The following SUMF1 variants were observed in gnomAD, a reference collection of about 807,000 sequenced individuals.
The protein encoded by SUMF1 is sulfatase modifying factor 1.
A neutral mutation model predicts 47.6 loss-of-function variants in SUMF1; 48 were observed. The ratio of observed to expected loss-of-function variants is 1.01; its 90% CI spans 0.80 to 1.28. The LOEUF (loss-of-function observed/expected upper bound fraction) is 1.28, where lower values mean the gene tolerates loss of function less well. SUMF1 is among the 50% of genes most tolerant of loss of function. The probability of loss-of-function intolerance (pLI) is 0.00; values close to 1 mark genes in which losing one functional copy is unlikely to be tolerated. For missense variants in SUMF1, 571 were observed against 485.4 expected (o/e 1.18, Z -1.66); for synonymous variants, 230 against 192.1 (o/e 1.20, Z -1.63).
chr3:4,273,797 G>GATACGGGAGGGGA (rs1697357204), intron 8 of SUMF1, among the ~76,000 whole-genome samples: 4 of 98,580 alleles, frequency 4.1e-5, no homozygotes, highest in African/African-American at 1.6e-4. Context: ...GGGAGGGGAG[G>GATACGGGAGGGGA]GCATGGGAGG....
intron 8 of SUMF1, among the ~76,000 whole-genome samples, chr3:4,248,089 AT>A (rs1197798550): frequency 2.6e-5 from 4 of 152,208 alleles, no homozygotes; most frequent in African/African-American, 9.7e-5. Flanking sequence ...ACTAGTATTA[AT>A]TTAATGGGAT....
rs528093938 is a variant in SUMF1, at chr3:4,259,509, G to C, written c.1014+116821C>G. On this transcript the variant is annotated intron_variant and NMD_transcript_variant, in intron 8 of 12. Coordinates refer to the SUMF1 transcript ENST00000448413. Reference sequence around the variant, plus strand: ...TTTCTGTCTTTTTGACAAAATATTTGGATTCGATGTGGGATATAAGGCTTT... The same window carrying C: ...TTTCTGTCTTTTTGACAAAATATTTCGATTCGATGTGGGATATAAGGCTTT... 2.6e-5 allele frequency among the ~76,000 whole-genome samples: 4 copies of C among 152,150 alleles called. 1 individual carries two copies. The South Asian group carries it at 8.3e-4, about 32-fold the overall frequency.
At chr3:4,462,793 A>C (rs897276114) in intron 1 of SUMF1, among the ~76,000 whole-genome samples, 1 of 152,228 alleles carries the variant, frequency 6.6e-6, no homozygotes, top group Non-Finnish European at 1.5e-5. Flanking sequence ...TGCCTTATCT[A>C]TCTATACAGG....
chr3:4,051,008 ATTG>A (rs1695101443), intron 9 of SUMF1, among the ~76,000 whole-genome samples: 1 of 151,936 alleles, frequency 6.6e-6, no homozygotes, highest in African/African-American at 2.4e-5. Flanking sequence ...TTTTGCTGAT[ATTG>A]TTGATTGTCT....
At chr3:4,368,852 A>C (rs939147245) in intron 8 of SUMF1, among the ~76,000 whole-genome samples, 1 of 152,176 alleles carries the variant, frequency 6.6e-6, no homozygotes, top group Admixed American at 6.6e-5. Context: ...TTGTTCTCCG[A>C]TCCAAAAAAA....
At chr3:4,275,211 A>C (rs1245147705) in intron 8 of SUMF1, among the ~76,000 whole-genome samples, 1 of 152,210 alleles carries the variant, frequency 6.6e-6, no homozygotes, top group East Asian at 1.9e-4. Context: ...GAAATGAAGT[A>C]GTTAGAACGA....
At chr3:4,434,480 A>T (rs1702334374) in intron 3 of SUMF1, among the ~76,000 whole-genome samples, 2 of 152,260 alleles carry the variant, frequency 1.3e-5, no homozygotes, top group South Asian at 4.1e-4. Flanking sequence ...AATGCGCAAC[A>T]GTAAAGGAAA....
rs553723659 is a variant in SUMF1, at chr3:4,406,106, G to C, written c.954+4759C>G. On this transcript the variant is annotated intron_variant, in intron 7 of 8. Transcript: ENST00000272902. ...GCGTTTCTCATTAACTCGGCTGATG[G>C]AAGTAAGCAATATTATAATTAGATA... is the stretch of plus-strand genomic sequence containing the variant. Among the ~76,000 whole-genome samples, 53 of 152,112 alleles carry C rather than the reference G, an allele frequency of 3.5e-4. No homozygotes were observed. The South Asian group carries it at 0.011, about 30-fold the overall frequency.
chr3:4,307,762 C>T (rs1446774133), intron 8 of SUMF1, among the ~76,000 whole-genome samples: 1 of 152,176 alleles, frequency 6.6e-6, no homozygotes, highest in African/African-American at 2.4e-5. Flanking sequence ...CCCAGCCAGG[C>T]ATGGTGGCTC....
chr3:4,166,841 C>A (rs1694718325), intron 8 of SUMF1, among the ~76,000 whole-genome samples: 1 of 152,124 alleles, frequency 6.6e-6, no homozygotes, highest in African/African-American at 2.4e-5. Flanking sequence ...AAAGCAGAAG[C>A]TGGTTCCAGG....
At chr3:4,208,745 G>T (rs978147543) in intron 8 of SUMF1, among the ~76,000 whole-genome samples, 18 of 152,028 alleles carry the variant, frequency 1.2e-4, no homozygotes, top group African/African-American at 4.3e-4. Context: ...CCCCAAGCTT[G>T]AGTATGTGAC....
At chr3:4,278,233 T>C (rs1697458624) in intron 8 of SUMF1, among the ~76,000 whole-genome samples, 1 of 152,108 alleles carries the variant, frequency 6.6e-6, no homozygotes, top group Non-Finnish European at 1.5e-5. Flanking sequence ...GCATGTTCTA[T>C]AATTTATCAA....
chr3:4,105,662 C>G (rs1693141234), intron 8 of SUMF1, among the ~76,000 whole-genome samples: 2 of 152,008 alleles, frequency 1.3e-5, no homozygotes, highest in Non-Finnish European at 2.9e-5. Flanking sequence ...ATATCTGTCT[C>G]TTCATTTGAA....
chr3:4,227,347 G>GAGAAGCACACAGTAGGTA (rs1559588405), intron 8 of SUMF1, among the ~76,000 whole-genome samples: 24 of 152,062 alleles, frequency 1.6e-4, no homozygotes, highest in Admixed American at 1.4e-3. Flanking sequence ...CACAGTAGGT[G>GAGAAGCACACAGTAGGTA]TTAACCAAAT....
At chr3:4,138,494 G>C in intron 8 of SUMF1, among the ~76,000 whole-genome samples, 1 of 152,096 alleles carries the variant, frequency 6.6e-6, no homozygotes, top group East Asian at 1.9e-4. Context: ...TGACCTTCCA[G>C]AAGGGACTGG....
intron 8 of SUMF1, among the ~76,000 whole-genome samples, chr3:4,130,112 T>A (rs919183595): frequency 1.3e-5 from 2 of 152,060 alleles, no homozygotes; most frequent in Non-Finnish European, 2.9e-5. Context: ...GGTGAATGAT[T>A]CCCACCACAA....
chr3:4,125,392 T>C (rs574485426), intron 8 of SUMF1, among the ~76,000 whole-genome samples: 1 of 152,236 alleles, frequency 6.6e-6, no homozygotes, highest in East Asian at 1.9e-4. Flanking sequence ...TGCTTTATTA[T>C]CTTTACAAAG....
At chr3:4,061,399 C>T (rs1005165075) in intron 9 of SUMF1, among the ~76,000 whole-genome samples, 4 of 152,162 alleles carry the variant, frequency 2.6e-5, no homozygotes, top group African/African-American at 9.7e-5. Flanking sequence ...GATTGCCTAA[C>T]TGACTCCCTG....
chr3:4,036,813 T>C (rs1694805825), intron 9 of SUMF1, among the ~76,000 whole-genome samples: 1 of 137,400 alleles, frequency 7.3e-6, no homozygotes, highest in Non-Finnish European at 1.5e-5. Context: ...TAATTGTTAG[T>C]GTCCAGGCAA....
Sources: allele counts gnomAD v4.1 joint callset (sites outside exome capture counted in the v4.1 genomes callset), GRCh38; gene constraint gnomAD v4.1.1; transcripts MANE v1.5; gene names NCBI Gene and HGNC (gene_info 2026-07-23, HGNC 2026-07-21).